Variants in DBP observed in about 807,000 individuals in gnomAD.
The protein encoded by DBP is D-box binding PAR bZIP transcription factor.
A neutral mutation model predicts 21.4 loss-of-function variants in DBP; 12 were observed. The observed-to-expected ratio is 0.56, with a 90% CI of 0.36 to 0.91. The LOEUF is 0.91. Among genes scored for constraint, DBP ranks in the 40% least tolerant of loss-of-function variants. DBP has a pLI of 0.01. For missense variants in DBP, 423 were observed against 473.4 expected, an observed-to-expected ratio of 0.89 and a Z score of 0.99; for synonymous variants, 213 against 224.9, an observed-to-expected ratio of 0.95 and a Z score of 0.47.
At position 48,633,529 on chromosome 19, in the gene DBP, C is replaced by T. The variant is rs950476082; in HGVS notation, c.677G>A (p.Arg226Gln). The T allele has an allele frequency of 1.2e-5, 19 of 1,614,022 alleles. No individual in the cohort carries two copies. Among genetic ancestry groups the T allele is most frequent in the Admixed American group, 1.7e-5 (1 of 59,998 alleles). Residue 226 changes from arginine (R) to glutamine (Q), a missense_variant, in exon 3 of 4, where the codon CGA becomes CAA. Arg to Gln is a conservative substitution (Grantham distance 43, BLOSUM62 1). This residue lies in a region of DBP where 77 missense variants were observed against 97.1 expected (regional missense o/e 0.79). Transcript: ENST00000222122. ...SIPGHETFDPRRHRFSEEELK... is the reference protein window; with the variant it reads ...SIPGHETFDPQRHRFSEEELK... ...TTCCTCTTCTGAGAAGCGATGTCTT[C>T]GAGGGTCAAAGGTCTCGTGGCCAGG...
chr19:48,630,359 C>G lies in DBP; in HGVS notation c.*478G>C, dbSNP rs2030509965. 1.5e-6 allele frequency: 2 copies of G among 1,312,310 alleles called. No individual in the cohort carries two copies. The highest frequency in any genetic ancestry group is 3.1e-5 in the African/African-American group (2 of 65,492). 81.3% of individuals were successfully genotyped at this position (1,312,310 alleles called of 1,614,324 possible). A position where few individuals can be genotyped will look rare whatever the true frequency, so the allele number is the denominator to read the frequency against. On this transcript the variant is annotated 3_prime_UTR_variant, in exon 4 of 4. Transcript: ENST00000222122. This position sits in a 1 kb window ranked among gnomAD's most constrained non-coding sequence, Gnocchi z 4.9. ...CGTCCTCCGTCCCCAATCTAAAAAG[C>G]AATTGAAAAGGTCTATGCAATAAAG...
chr19:48,635,223 G>A, intron 2 of DBP: 1 of 1,125,138 alleles, frequency 8.9e-7, no homozygotes, highest in Non-Finnish European at 1.1e-6. Flanking sequence ...TATGGGCCCA[G>A]ATTCGGGGGT....
In DBP at chr19:48,630,827, T is replaced by A; in HGVS notation, c.*10A>T. 6.3e-7 allele frequency: 1 copy of A among 1,575,582 alleles called. No individual in the cohort carries two copies. Among genetic ancestry groups the A allele is most frequent in the Non-Finnish European group, 8.6e-7 (1 of 1,158,388 alleles). On this transcript the variant is annotated 3_prime_UTR_variant, in exon 4 of 4. Transcript: ENST00000222122. This position sits in a 1 kb window ranked among gnomAD's most constrained non-coding sequence, Gnocchi z 4.9. ...AGGAGAGCTCCGCCAGGTGGGGATG[T>A]GGGGCAGCCTCACAGGGCCCCGTGC...
At position 48,633,651 on chromosome 19, in the gene DBP, C is replaced by G; in HGVS notation, c.555G>C (p.Leu185=). 1 of 1,613,892 alleles carries G rather than the reference C, an allele frequency of 6.2e-7. No individual in the cohort carries two copies. The highest frequency in any genetic ancestry group is 8.5e-7 in the Non-Finnish European group (1 of 1,179,988). The change falls in exon 3 of 4, where the codon CTG becomes CTC. Residue 185 remains leucine, a synonymous_variant. Transcript: ENST00000222122. The part of the protein sequence containing the change: ...LGTASGHRAG[L]TSRDTPSPVD... Reference sequence around the variant, plus strand: ...CAGGGCTGGGTGTGTCCCGAGAGGTCAGGCCTTGGGGAAACAGCACGTGTC... The same window carrying G: ...CAGGGCTGGGTGTGTCCCGAGAGGTGAGGCCTTGGGGAAACAGCACGTGTC...
chr19:48,631,880 G>A (rs1168946044), intron 3 of DBP: 3 of 152,178 alleles, frequency 2.0e-5, no homozygotes, highest in African/African-American at 7.2e-5. Flanking sequence ...GGGCCCTCTA[G>A]AAGGAGAAAC....
chr19:48,636,947 G>A lies in DBP; in HGVS notation c.48C>T (p.Gly16=). The part of the protein sequence containing the change: ...SDRTPAPLLL[G]GPAGTPPGGG... ...CGCCAGGGGGTGTCCCGGCCGGGCC[G>A]CCCAGCAGCAGAGGGGCCGGGGTCC... The change falls in exon 1 of 4, where the codon GGC becomes GGT. Residue 16 remains glycine, a synonymous_variant. Coordinates refer to ENST00000222122, the MANE Select transcript of DBP (RefSeq NM_001352.5). 1 of 1,561,788 alleles carries A rather than the reference G, an allele frequency of 6.4e-7. No homozygotes were observed. The highest frequency in any genetic ancestry group is 1.4e-5 in the African/African-American group (1 of 73,604).
At chr19:48,632,096 G>C (rs2147709268) in intron 3 of DBP, 1 of 151,900 alleles carries the variant, frequency 6.6e-6, no homozygotes, top group South Asian at 2.1e-4. Flanking sequence ...CCAAGTAGCT[G>C]GGATTATAGG....
chr19:48,636,063 C>A, intron 1 of DBP, 73 bp from the exon 2 acceptor site: 1 of 1,383,498 alleles, frequency 7.2e-7, no homozygotes, highest in Non-Finnish European at 9.5e-7. Flanking sequence ...GACCCCGAGT[C>A]CGAGAGGCAC....
chr19:48,635,097 C>T (rs1359953829), intron 2 of DBP: 2 of 987,582 alleles, frequency 2.0e-6, no homozygotes, highest in East Asian at 2.3e-4. Flanking sequence ...CTGGGGGACC[C>T]AGGGACCTGG....
rs2030696365 is a variant in DBP at position 48,634,117 on chromosome 19, GA to G, written c.551-463del. 4 of 173,374 alleles carry G rather than the reference GA, an allele frequency of 2.3e-5. No individual in the cohort carries two copies. In the South Asian group the frequency reaches 3.4e-4, roughly 15 times the overall value. 10.7% of individuals were successfully genotyped at this position (173,374 alleles called of 1,614,324 possible). A position where few individuals can be genotyped will look rare whatever the true frequency, so the allele number is the denominator to read the frequency against. On this transcript the variant is annotated intron_variant, in intron 2 of 3. Coordinates refer to ENST00000222122, the MANE Select transcript of DBP (RefSeq NM_001352.5). ...CGAGACTCCGTCTCCAAAATAACGA[GA>G]AAAATGAAGGTTCCCCTAAGCCATA...
chr19:48,635,666 C>T lies in DBP; in HGVS notation c.464G>A (p.Gly155Asp), dbSNP rs567853417. The change falls in exon 2 of 4, where the codon GGT (glycine) becomes GAT (aspartate). Residue 155 changes from glycine to aspartate, a missense_variant. Gly to Asp is a moderately conservative substitution (Grantham distance 94, BLOSUM62 -1). Around this residue, in one of 4 missense-constraint regions of DBP, gnomAD observed 283 missense variants for 273.7 expected, o/e 1.03. Transcript: ENST00000222122. Reference protein sequence around the residue: ...ARTPAPSPGPGSCGSASPRSS... With the variant: ...ARTPAPSPGPDSCGSASPRSS... ...GCGGGGGGAAGCCGAGCCGCACGAA[C>T]CCGGCCCTGGGGAGGGTGCGGGCGT... is the stretch of plus-strand genomic sequence containing the variant. 302 of 1,316,214 alleles carry T rather than the reference C, an allele frequency of 2.3e-4. No individual in the cohort carries two copies. The highest frequency in any genetic ancestry group is 2.8e-4 in the Non-Finnish European group (291 of 1,039,998). 81.5% of individuals were successfully genotyped at this position (1,316,214 alleles called of 1,614,324 possible).
intron 2 of DBP, 199 bp from the exon 3 acceptor site, chr19:48,633,854 A>G: frequency 1.7e-6 from 1 of 591,374 alleles, no homozygotes; most frequent in East Asian, 2.8e-5. Context: ...TAACCCCAGC[A>G]GTTTGGGAAG....
intron 3 of DBP, chr19:48,633,188 C>A (rs2030659417): frequency 1.7e-6 from 1 of 603,000 alleles, no homozygotes; most frequent in Non-Finnish European, 2.9e-6. Flanking sequence ...CTCAAGAGAT[C>A]CTCCTGCCTC....
In DBP at chr19:48,630,503, C is replaced by A; in HGVS notation, c.*334G>T. On this transcript the variant is annotated 3_prime_UTR_variant, in exon 4 of 4. Transcript: ENST00000222122. This position sits in a 1 kb window ranked among gnomAD's most constrained non-coding sequence, Gnocchi z 4.9. ...CTCTATGGACGACAGCCCGGAGCTGCCCACGGGCTGCAGCCAGTATGCCAG... is the reference window on the plus strand; with the variant it reads ...CTCTATGGACGACAGCCCGGAGCTGACCACGGGCTGCAGCCAGTATGCCAG... 1 of 1,530,232 alleles carries A rather than the reference C, an allele frequency of 6.5e-7. No individual in the cohort carries two copies. Among genetic ancestry groups the A allele is most frequent in the Non-Finnish European group, 8.7e-7 (1 of 1,144,260 alleles). 94.8% of individuals were successfully genotyped at this position (1,530,232 alleles called of 1,614,324 possible). A position where few individuals can be genotyped will look rare whatever the true frequency, so the allele number is the denominator to read the frequency against.
Position 48,630,651 on chromosome 19 carries a change from C to T in DBP, c.*186G>A, listed in dbSNP as rs759788337. On this transcript the variant is annotated 3_prime_UTR_variant, in exon 4 of 4. Transcript: ENST00000222122. The surrounding 1 kb of genome is among the most constrained non-coding windows in gnomAD (Gnocchi z 4.9). ...GTGCCGGGGACACACACAGAGAACCCTCCCCGCCCCCGCAAGGGAGGGGGG... is the reference window on the plus strand; with the variant it reads ...GTGCCGGGGACACACACAGAGAACCTTCCCCGCCCCCGCAAGGGAGGGGGG... The T allele has an allele frequency of 6.8e-7, 1 of 1,467,116 alleles. No individual in the cohort carries two copies. The highest frequency in any genetic ancestry group is 9.0e-7 in the Non-Finnish European group (1 of 1,111,226). The allele number at this position is 1,467,116 out of a possible 1,614,324, so 90.9% of individuals were successfully genotyped here. A position where few individuals can be genotyped will look rare whatever the true frequency, so the allele number is the denominator to read the frequency against.
At chr19:48,635,556 C>T in intron 2 of DBP, 24 bp downstream of exon 2, 2 of 1,405,422 alleles carry the variant, frequency 1.4e-6, no homozygotes, top group Non-Finnish European at 1.8e-6. Context: ...CCCGTCAGGA[C>T]CCGCCCCGCC....
chr19:48,630,629 C>T lies in DBP; in HGVS notation c.*208G>A. ...GTGGGAGGATAGGGTCCCTGACGTG[C>T]CGGGGACACACACAGAGAACCCTCC... On this transcript the variant is annotated 3_prime_UTR_variant, in exon 4 of 4. Coordinates refer to ENST00000222122, the MANE Select transcript of DBP (RefSeq NM_001352.5). The surrounding 1 kb of genome is among the most constrained non-coding windows in gnomAD (Gnocchi z 4.9). The T allele has an allele frequency of 6.6e-7, 1 of 1,504,440 alleles. No individual in the cohort carries two copies. Among genetic ancestry groups the T allele is most frequent in the Non-Finnish European group, 8.8e-7 (1 of 1,130,562 alleles). 93.2% of individuals were successfully genotyped at this position (1,504,440 alleles called of 1,614,324 possible).
At chr19:48,636,241 GAC>G (rs1232381347) in intron 1 of DBP, among the ~76,000 whole-genome samples, 1 of 152,244 alleles carries the variant, frequency 6.6e-6, no homozygotes, top group African/African-American at 2.4e-5. Flanking sequence ...GGAAGGAATA[GAC>G]ACACAGAAAG....
chr19:48,633,563 A>C lies in DBP; in HGVS notation c.643T>G (p.Ser215Ala). ...FEPDPADLAL[S>A]SIPGHETFDP... ...AAGGTCTCGTGGCCAGGAATGCTTG[A>C]TAGGGCAAGATCAGCTGGGTCGGGT... The change falls in exon 3 of 4, where the codon TCA (serine) becomes GCA (alanine). Residue 215 changes from serine (S) to alanine (A), a missense_variant. Ser to Ala is a moderately conservative substitution (Grantham distance 99). Transcript: ENST00000222122. 1 of 1,614,130 alleles carries C rather than the reference A, an allele frequency of 6.2e-7. No homozygotes were observed. Among genetic ancestry groups the C allele is most frequent in the East Asian group, 2.2e-5 (1 of 44,882 alleles).
Sources: gnomAD v4.1 joint callset for allele counts (sites outside exome capture counted in the v4.1 genomes callset) on GRCh38, gnomAD v4.1.1 for gene constraint, gnomAD v4.1.1 regional missense constraint, Gnocchi (gnomAD v3.1) non-coding constraint, MANE v1.5 for transcripts, NCBI Gene and HGNC (gene_info 2026-07-23, HGNC 2026-07-21) for gene names.